The following AZIN2 variants were observed in gnomAD, a reference collection of about 807,000 sequenced individuals.
The protein encoded by AZIN2 is ODC antizyme inhibitor-2.
In AZIN2, 28 loss-of-function variants were observed where a neutral mutation model predicts 47.8. The observed-to-expected ratio is 0.59, with a 90% CI of 0.43 to 0.80. AZIN2 has a LOEUF of 0.80. AZIN2 is among the 30% of genes least tolerant of loss of function. The probability of loss-of-function intolerance (pLI) is 0.00; values close to 1 mark genes in which losing one functional copy is unlikely to be tolerated. For missense variants in AZIN2, 535 were observed against 582.5 expected (o/e 0.92, Z 0.84); for synonymous variants, 221 against 239.4 (o/e 0.92, Z 0.71).
At chr1:33,149,596 A>G in the AZIN2 span, among the ~76,000 whole-genome samples, 10 of 151,872 alleles carry the variant, frequency 6.6e-5, no homozygotes, top group Non-Finnish European at 1.5e-4. Flanking sequence ...CTGAGACTAT[A>G]GGCATGCATC....
intron 10 of AZIN2, among the ~76,000 whole-genome samples, chr1:33,110,955 C>T (rs894342652): frequency 1.3e-5 from 2 of 152,222 alleles, no homozygotes; most frequent in Non-Finnish European, 2.9e-5. Flanking sequence ...AGGAGGGCTC[C>T]TCCCTCCAAG....
downstream of AZIN2, among the ~76,000 whole-genome samples, chr1:33,125,314 T>C (rs1019855500): frequency 6.6e-6 from 1 of 152,216 alleles, no homozygotes; most frequent in Admixed American, 6.5e-5. Flanking sequence ...AGTAAAATGA[T>C]CTGATTGTCA....
the AZIN2 span, chr1:33,147,764 G>A: frequency 7.6e-6 from 12 of 1,588,152 alleles, no homozygotes; most frequent in Non-Finnish European, 1.0e-5. This position sits in a 1 kb window ranked among gnomAD's most constrained non-coding sequence, Gnocchi z 8.1. Context: ...GATGAGTGGG[G>A]AGAAGGCTGT....
At chr1:33,103,965 C>T (rs558670469) in intron 10 of AZIN2, among the ~76,000 whole-genome samples, 5 of 152,070 alleles carry the variant, frequency 3.3e-5, no homozygotes, top group South Asian at 4.2e-4. Context: ...TCACTGCAAC[C>T]TCTGCCTCCC....
chr1:33,163,245 G>T, the AZIN2 span: 1 of 151,982 alleles, frequency 6.6e-6, no homozygotes, highest in African/African-American at 2.4e-5. Flanking sequence ...CACCATATTG[G>T]CCAGGCTGGT....
At chr1:33,114,586 C>A (rs1167286548) in intron 10 of AZIN2, among the ~76,000 whole-genome samples, 3 of 150,942 alleles carry the variant, frequency 2.0e-5, no homozygotes, top group Non-Finnish European at 2.9e-5. Context: ...ATTTCCTGAC[C>A]TCGTGATCCA....
At chr1:33,119,762 T>C in intron 11 of AZIN2, 1 of 494,576 alleles carries the variant, frequency 2.0e-6, no homozygotes, top group Non-Finnish European at 3.7e-6. Flanking sequence ...GCCTCCCTCA[T>C]GGGGTTTTTG....
intron 10 of AZIN2, among the ~76,000 whole-genome samples, chr1:33,101,496 ATTTTT>A (rs35912554): frequency 7.5e-6 from 1 of 133,506 alleles, no homozygotes; most frequent in African/African-American, 2.7e-5. Context: ...TCTGCCTGGT[ATTTTT>A]TTTTTTTTTT....
chr1:33,118,553 G>A (rs952474439), intron 11 of AZIN2: 2 of 162,918 alleles, frequency 1.2e-5, no homozygotes, highest in Admixed American at 5.9e-5. Flanking sequence ...CTTGAAGGCC[G>A]AGTGACACGC....
chr1:33,134,284 A>G, the AZIN2 span, among the ~76,000 whole-genome samples: 3 of 152,106 alleles, frequency 2.0e-5, no homozygotes, highest in Non-Finnish European at 2.9e-5. Flanking sequence ...TTTTGTTCCT[A>G]TTTTCCAGAT....
intron 10 of AZIN2, among the ~76,000 whole-genome samples, chr1:33,112,177 G>A (rs943862209): frequency 6.6e-6 from 1 of 152,206 alleles, no homozygotes; most frequent in Non-Finnish European, 1.5e-5. Flanking sequence ...CTAGGTGGCA[G>A]TGGTGTATCA....
At chr1:33,114,437 T>C (rs2124649228) in intron 10 of AZIN2, among the ~76,000 whole-genome samples, 1 of 146,098 alleles carries the variant, frequency 6.8e-6, no homozygotes, top group African/African-American at 2.6e-5. Flanking sequence ...CACTGCAAGC[T>C]CCACCTTCCG....
chr1:33,104,622 A>G (rs896076164), intron 10 of AZIN2, among the ~76,000 whole-genome samples: 6 of 152,170 alleles, frequency 3.9e-5, no homozygotes, highest in Admixed American at 3.9e-4. Context: ...AAAATGATTC[A>G]CTAATCCCAC....
At chr1:33,149,952 C>G in the AZIN2 span, among the ~76,000 whole-genome samples, 1 of 152,238 alleles carries the variant, frequency 6.6e-6, no homozygotes, top group African/African-American at 2.4e-5. Context: ...CCAAATTAAA[C>G]TGGCCATGTT....
chr1:33,142,892 A>G, the AZIN2 span: 1 of 152,020 alleles, frequency 6.6e-6, no homozygotes, highest in Admixed American at 6.5e-5. Context: ...TCCCTGCTCA[A>G]ACACTGAGAT....
chr1:33,081,522 G>A lies in AZIN2; in HGVS notation c.-285+14G>A, dbSNP rs1641246330. The A allele has an allele frequency of 6.5e-6, 1 of 153,448 alleles. No homozygotes were observed. The highest frequency in any genetic ancestry group is 2.4e-5 in the African/African-American group (1 of 41,424). The allele number at this position is 153,448 out of a possible 1,614,324, so 9.5% of individuals were successfully genotyped here. On this transcript the variant is annotated intron_variant, in intron 2 of 11. Coordinates refer to ENST00000294517, the MANE Select transcript of AZIN2 (RefSeq NM_052998.4). The surrounding 1 kb of genome is among the most constrained non-coding windows in gnomAD (Gnocchi z 4.2). ...GGACGGAGTTTGGTAAGGGGCCCTG[G>A]GGGTTGGGGGGACCTCAGCCCTGCA...
At chr1:33,166,370 A>G in the AZIN2 span, 1 of 150,890 alleles carries the variant, frequency 6.6e-6, no homozygotes, top group Admixed American at 6.6e-5. Context: ...ATTGTCTTCC[A>G]TGAAGCTGGT....
the AZIN2 span, among the ~76,000 whole-genome samples, chr1:33,136,930 G>C: frequency 6.6e-6 from 1 of 151,692 alleles, no homozygotes; most frequent in Non-Finnish European, 1.5e-5. Context: ...CCAGGAGGCA[G>C]AGGTTGCAGT....
intron 5 of AZIN2, among the ~76,000 whole-genome samples, chr1:33,089,670 G>T (rs1047129713): frequency 6.6e-6 from 1 of 152,168 alleles, no homozygotes; most frequent in African/African-American, 2.4e-5. Flanking sequence ...TTCTGCTACT[G>T]GTTGGCTGTG....
Sources: gnomAD v4.1 joint callset for allele counts (sites outside exome capture counted in the v4.1 genomes callset) on GRCh38, gnomAD v4.1.1 for gene constraint, Gnocchi (gnomAD v3.1) non-coding constraint, MANE v1.5 for transcripts, NCBI Gene and HGNC (gene_info 2026-07-23, HGNC 2026-07-21) for gene names.